RAD21: variants seen among roughly 807,000 people sequenced by gnomAD.
RAD21 encodes the protein double-strand-break repair protein rad21 homolog.
Under a neutral mutation model 71.5 loss-of-function variants are expected in RAD21, and 18 were observed. That is an observed-to-expected ratio of 0.25 (90% confidence interval 0.17 to 0.37). The LOEUF (loss-of-function observed/expected upper bound fraction) is 0.37. RAD21 is among the 10% of genes least tolerant of loss of function. The pLI is 1.00. For missense variants in RAD21, 493 were observed against 769.1 expected, an observed-to-expected ratio of 0.64 and a Z score of 4.25; for synonymous variants, 248 against 254.0, an observed-to-expected ratio of 0.98 and a Z score of 0.22.
At chr8:116,862,482 T>A (rs190689594) in intron 3 of RAD21, among the ~76,000 whole-genome samples, 1 of 152,214 alleles carries the variant, frequency 6.6e-6, no homozygotes, top group East Asian at 1.9e-4. Flanking sequence ...ATCTTAGATC[T>A]CAGACATTTT....
rs16893992 is a variant in RAD21 at position 116,857,612 on chromosome 8, AAACTTT to A, written c.482-145_482-140del. On this transcript the variant is annotated intron_variant, in intron 5 of 13. Coordinates refer to ENST00000297338, the MANE Select transcript of RAD21 (RefSeq NM_006265.3). ...CTTCAAATGTTAAAATATCTAGTTT[AAACTTT>A]AATTCTTTAGCATCTGAATTTTTTA... The A allele has an allele frequency of 0.13, 103,115 of 770,400 alleles. 9,010 individuals are homozygous for A. Among genetic ancestry groups the A allele is most frequent in the East Asian group, 0.39 (14,364 of 36,812 alleles). The allele number at this position is 770,400 out of a possible 1,614,324, so 47.7% of individuals were successfully genotyped here.
At chr8:116,854,999 C>T (rs1812432631) in intron 8 of RAD21, among the ~76,000 whole-genome samples, 1 of 152,132 alleles carries the variant, frequency 6.6e-6, no homozygotes, top group Non-Finnish European at 1.5e-5. Flanking sequence ...TTTTAAGAGT[C>T]ATTTCTAATC....
intron 8 of RAD21, among the ~76,000 whole-genome samples, chr8:116,855,708 G>GTT (rs34000422): frequency 6.0e-5 from 9 of 149,574 alleles, no homozygotes; most frequent in South Asian, 2.1e-4. Flanking sequence ...CTCTAGTTTT[G>GTT]TTTTTTTTTT....
rs769825200 is a variant in RAD21, at chr8:116,847,508, T to C, written c.1888A>G (p.Ile630Val). The C allele has an allele frequency of 5.0e-6, 8 of 1,609,058 alleles. No homozygotes were observed. Among genetic ancestry groups the C allele is most frequent in the Admixed American group, 1.7e-5 (1 of 58,928 alleles). ...IIATPGPRFH[I>V]I is the part of the protein sequence containing the mutation. ...ATAATGCTTCTAGCTCCTTATATAA[T>C]ATGGAACCTTGGTCCAGGTGTTGCG... Residue 630 changes from isoleucine (I) to valine (V), a missense_variant, in exon 14 of 14, where the codon ATT becomes GTT. Ile to Val is a conservative substitution (Grantham distance 29, BLOSUM62 3). Around this residue, in one of 5 missense-constraint regions of RAD21, gnomAD observed 34 missense variants for 59.9 expected, o/e 0.57. Transcript: ENST00000297338.
intron 8 of RAD21, among the ~76,000 whole-genome samples, chr8:116,855,170 A>T (rs558070262): frequency 2.0e-5 from 3 of 152,134 alleles, no homozygotes; most frequent in Non-Finnish European, 4.4e-5. Flanking sequence ...ACACAGTGAG[A>T]GTCTCTCTCT....
At chr8:116,855,042 C>CT (rs1812433382) in intron 8 of RAD21, among the ~76,000 whole-genome samples, 1 of 152,016 alleles carries the variant, frequency 6.6e-6, no homozygotes, top group Non-Finnish European at 1.5e-5. Flanking sequence ...TATTGCCTCA[C>CT]TTTTTTAAAA....
At chr8:116,861,296 G>C (rs559593097) in intron 4 of RAD21, among the ~76,000 whole-genome samples, 2 of 151,654 alleles carry the variant, frequency 1.3e-5, no homozygotes, top group Non-Finnish European at 2.9e-5. Context: ...GGATCGTAAG[G>C]GCTTGAGAAA....
At chr8:116,872,069 G>T (rs901432742) in intron 1 of RAD21, among the ~76,000 whole-genome samples, 7 of 151,880 alleles carry the variant, frequency 4.6e-5, no homozygotes, top group African/African-American at 1.5e-4. Flanking sequence ...TTGTTGGAGG[G>T]GGGGACAAAA....
intron 1 of RAD21, among the ~76,000 whole-genome samples, chr8:116,872,118 A>G (rs1027933914): frequency 2.6e-5 from 4 of 152,202 alleles, no homozygotes; most frequent in Admixed American, 1.3e-4. Flanking sequence ...AAAAAACTAT[A>G]ACAACTATAT....
chr8:116,864,186 T>G (rs899203013), intron 2 of RAD21, among the ~76,000 whole-genome samples: 13 of 152,010 alleles, frequency 8.6e-5, no homozygotes. Context: ...ACACAAGTAT[T>G]CAAAATTCCT....
At chr8:116,853,235 C>T (rs1812393088) in intron 9 of RAD21, among the ~76,000 whole-genome samples, 1 of 152,218 alleles carries the variant, frequency 6.6e-6, no homozygotes, top group East Asian at 1.9e-4. Context: ...TGTACCACCA[C>T]ACACGGCTAA....
In RAD21 at chr8:116,874,701, G is replaced by A. The variant is rs1458818855; in HGVS notation, c.-123C>T. 2.3e-6 allele frequency: 1 copy of A among 435,032 alleles called. No homozygotes were observed. Among genetic ancestry groups the A allele is most frequent in the Admixed American group, 2.5e-5 (1 of 40,344 alleles). The allele number at this position is 435,032 out of a possible 1,614,324, so 26.9% of individuals were successfully genotyped here. ...GGTGGGGAAAGGGGGGAGCCCTTGCGAGGTGTAGCTTCCGAGCAGCTCCCG... is the reference window on the plus strand; with the variant it reads ...GGTGGGGAAAGGGGGGAGCCCTTGCAAGGTGTAGCTTCCGAGCAGCTCCCG... On this transcript the variant is annotated 5_prime_UTR_variant, in exon 1 of 14. Transcript: ENST00000297338.
At chr8:116,863,420 C>T (rs1279196708) in intron 2 of RAD21, among the ~76,000 whole-genome samples, 161 bp from the exon 3 acceptor site, 1 of 152,040 alleles carries the variant, frequency 6.6e-6, no homozygotes, top group Non-Finnish European at 1.5e-5. Context: ...GACAGAGTGA[C>T]TGGAAATTCA....
At chr8:116,868,936 A>ACC (rs1441344660) in intron 1 of RAD21, among the ~76,000 whole-genome samples, 2 of 151,076 alleles carry the variant, frequency 1.3e-5, no homozygotes, top group African/African-American at 4.9e-5. Context: ...GCACGCACAC[A>ACC]CCCCCCACAA....
chr8:116,872,533 T>TAC (rs1420841902), intron 1 of RAD21, among the ~76,000 whole-genome samples: 3 of 128,374 alleles, frequency 2.3e-5, no homozygotes, highest in African/African-American at 8.8e-5. Context: ...GATATATATA[T>TAC]ATACATACAC....
At chr8:116,856,319 A>C in intron 7 of RAD21, 31 bp from the exon 8 acceptor site, 16 of 1,450,370 alleles carry the variant, frequency 1.1e-5, no homozygotes, top group Non-Finnish European at 1.4e-5. Context: ...AAAAAAAGTC[A>C]CAAAAAGCTT....
rs1475275231 is a variant in RAD21 at position 116,852,711 on chromosome 8, A to AT, written c.1162-4dup. 1.4e-6 allele frequency: 2 copies of AT among 1,454,812 alleles called. No homozygotes were observed. The highest frequency in any genetic ancestry group is 3.0e-5 in the African/African-American group (2 of 66,748). 90.1% of individuals were successfully genotyped at this position (1,454,812 alleles called of 1,614,324 possible). A position where few individuals can be genotyped will look rare whatever the true frequency, so the allele number is the denominator to read the frequency against. Reference sequence around the variant, plus strand: ...GGTGTAAGACAGCGTGTAAAGAGCTATTAAAAAAAAAAAAAAGAAAAATTT... The same window carrying AT: ...GGTGTAAGACAGCGTGTAAAGAGCTATTTAAAAAAAAAAAAAAGAAAAATTT... On this transcript the variant is annotated splice_polypyrimidine_tract_variant and splice_region_variant and intron_variant, in intron 9 of 13. Coordinates refer to ENST00000297338, the MANE Select transcript of RAD21 (RefSeq NM_006265.3).
chr8:116,852,821 T>A (rs974378994), intron 9 of RAD21, 113 bp from the exon 10 acceptor site: 10 of 732,890 alleles, frequency 1.4e-5, no homozygotes, highest in African/African-American at 1.8e-5. Context: ...GTGTATAATT[T>A]AGCATGGCTT....
In RAD21 at chr8:116,847,244, G is replaced by C; in HGVS notation, c.*256C>G. On this transcript the variant is annotated 3_prime_UTR_variant, in exon 14 of 14. Coordinates refer to ENST00000297338, the MANE Select transcript of RAD21 (RefSeq NM_006265.3). ...CACCAATATTGCACACATCTGTTCTGAACTGTTAAAATCATCTTCTGAGTC... is the reference window on the plus strand; with the variant it reads ...CACCAATATTGCACACATCTGTTCTCAACTGTTAAAATCATCTTCTGAGTC... 2.5e-6 allele frequency: 1 copy of C among 405,062 alleles called. No homozygotes were observed. Among genetic ancestry groups the C allele is most frequent in the East Asian group, 3.8e-5 (1 of 26,464 alleles). The allele number at this position is 405,062 out of a possible 1,614,324, so 25.1% of individuals were successfully genotyped here.
Sources: allele counts gnomAD v4.1 joint callset (sites outside exome capture counted in the v4.1 genomes callset), GRCh38; gene constraint gnomAD v4.1.1; regional missense constraint gnomAD v4.1.1; transcripts MANE v1.5; gene names NCBI Gene and HGNC (gene_info 2026-07-23, HGNC 2026-07-21).